OPHN1: variants seen among roughly 807,000 people sequenced by gnomAD.
OPHN1 encodes the protein oligophrenin-1.
Under a neutral mutation model 60.7 loss-of-function variants are expected in OPHN1, and 11 were observed. The ratio of observed to expected loss-of-function variants is 0.18; its 90% CI spans 0.11 to 0.30. The LOEUF is 0.30. OPHN1 is among the 10% of genes least tolerant of loss of function. OPHN1 has a pLI of 1.00. For missense variants in OPHN1, 449 were observed against 611.0 expected (o/e 0.73, Z 2.80); for synonymous variants, 226 against 222.6 (o/e 1.02, Z -0.14).
intron 15 of OPHN1, among the ~76,000 whole-genome samples, chrX:68,161,738 G>A (rs931976143): frequency 9.0e-6 from 1 of 110,703 alleles, no homozygotes; most frequent in Admixed American, 9.7e-5. Flanking sequence ...CCTACCTAGA[G>A]ACACTTGTTG....
intron 15 of OPHN1, among the ~76,000 whole-genome samples, chrX:68,142,420 G>A (rs1405048859): frequency 8.9e-6 from 1 of 111,928 alleles, no homozygotes; most frequent in African/African-American, 3.2e-5. Context: ...GCTTTATGTT[G>A]GGATAGGATG....
chrX:68,104,169 A>C (rs939738199), intron 18 of OPHN1, among the ~76,000 whole-genome samples: 1 of 111,857 alleles, frequency 8.9e-6, no homozygotes, highest in Non-Finnish European at 1.9e-5. Flanking sequence ...AAGAGAAGAC[A>C]CAAACAAATG....
chrX:68,412,675 T>A (rs2078774946), intron 2 of OPHN1, among the ~76,000 whole-genome samples: 1 of 111,635 alleles, frequency 9.0e-6, no homozygotes, highest in African/African-American at 3.3e-5. Context: ...TTAAAACAAT[T>A]AAAAATTATT....
intron 2 of OPHN1, among the ~76,000 whole-genome samples, chrX:68,406,618 A>C (rs1828898305): frequency 9.0e-6 from 1 of 111,670 alleles, no homozygotes; most frequent in South Asian, 3.7e-4. Context: ...TCTCCAAAAA[A>C]AAAATTAAAT....
At chrX:68,432,346 A>G (rs2078889830) in intron 2 of OPHN1, among the ~76,000 whole-genome samples, 2 of 111,824 alleles carry the variant, frequency 1.8e-5, no homozygotes, top group Admixed American at 1.9e-4. Context: ...AAAATAATTC[A>G]CTGGGGCAAA....
intron 2 of OPHN1, among the ~76,000 whole-genome samples, chrX:68,430,044 C>A (rs200485384): frequency 1.1e-4 from 11 of 101,504 alleles, no homozygotes; most frequent in African/African-American, 1.5e-4. Context: ...CAGAAAAAAA[C>A]AAAAAAAAAA....
chrX:68,071,754 T>A (rs1209055135), intron 20 of OPHN1: 1 of 465,605 alleles, frequency 2.1e-6, no homozygotes, highest in East Asian at 3.7e-5. Context: ...TGTCAGCTTG[T>A]TAGAAAGCGA....
rs375730489 is a variant in OPHN1, at chrX:68,064,141, G to C, written c.1871C>G (p.Thr624Ser). ...IQHQTPNGTI[T>S]SSIEPPKPPQ... ...TGGCTTGGGGGGTTCTATGCTGCTG[G>C]TGATAGTACCATTCGGTGTTTGATG... is the stretch of plus-strand genomic sequence containing the variant. Residue 624 changes from threonine to serine, a missense_variant, in exon 21 of 25, where the codon ACC (threonine) becomes AGC (serine). Thr to Ser is a moderately conservative substitution (Grantham distance 58). Coordinates refer to ENST00000355520, the MANE Select transcript of OPHN1 (RefSeq NM_002547.3). 5.8e-6 allele frequency: 7 copies of C among 1,209,102 alleles called. No homozygotes were observed. The highest frequency in any genetic ancestry group is 6.7e-6 in the Non-Finnish European group (6 of 894,935).
At chrX:68,216,842 C>G (rs1230467147) in intron 6 of OPHN1, among the ~76,000 whole-genome samples, 1 of 111,719 alleles carries the variant, frequency 9.0e-6, no homozygotes, top group Non-Finnish European at 1.9e-5. Context: ...AGACATTTTT[C>G]AAAAGAAGAT....
chrX:68,154,676 T>C (rs1428509985), intron 15 of OPHN1, among the ~76,000 whole-genome samples: 2 of 111,784 alleles, frequency 1.8e-5, no homozygotes, highest in Non-Finnish European at 3.8e-5. Flanking sequence ...TTCAGATTGC[T>C]GGAAAAGGTT....
At chrX:68,121,398 C>T (rs1488834274) in intron 15 of OPHN1, among the ~76,000 whole-genome samples, 1 of 111,789 alleles carries the variant, frequency 8.9e-6, no homozygotes, top group South Asian at 3.8e-4. Context: ...AGAGAGAGTG[C>T]AGCAATTGTG....
chrX:68,227,009 C>T (rs547786325), intron 6 of OPHN1, among the ~76,000 whole-genome samples: 105 of 111,241 alleles, frequency 9.4e-4, no homozygotes, highest in African/African-American at 3.0e-3. Context: ...ATTCAGGAGA[C>T]CCATCTCACG....
At chrX:68,216,691 T>A (rs1273918242) in intron 6 of OPHN1, among the ~76,000 whole-genome samples, 1 of 110,020 alleles carries the variant, frequency 9.1e-6, no homozygotes, top group Non-Finnish European at 1.9e-5. Flanking sequence ...ATCAACAGAG[T>A]AAATAGGCAA....
intron 5 of OPHN1, among the ~76,000 whole-genome samples, chrX:68,250,272 G>C (rs2077826854): frequency 8.9e-6 from 1 of 112,676 alleles, no homozygotes; most frequent in African/African-American, 3.2e-5. Context: ...GACTTATAAA[G>C]TCATCTTTAA....
chrX:68,414,031 T>C, intron 2 of OPHN1, among the ~76,000 whole-genome samples: 1 of 111,501 alleles, frequency 9.0e-6, no homozygotes, highest in Non-Finnish European at 1.9e-5. Flanking sequence ...ATGAGCCACT[T>C]AACCGTTCTG....
chrX:68,207,889 A>G (rs1366247105), intron 9 of OPHN1, among the ~76,000 whole-genome samples: 1 of 111,029 alleles, frequency 9.0e-6, no homozygotes, highest in Admixed American at 9.6e-5. Flanking sequence ...AAGCAGGACT[A>G]TTCTTGGCAA....
chrX:68,424,735 C>A (rs1209109132), intron 2 of OPHN1, among the ~76,000 whole-genome samples: 1 of 111,701 alleles, frequency 9.0e-6, no homozygotes, highest in Non-Finnish European at 1.9e-5. Context: ...CCTACCCCAG[C>A]CTGGCACCAT....
intron 21 of OPHN1, among the ~76,000 whole-genome samples, chrX:68,059,786 G>C (rs1457226775): frequency 9.0e-6 from 1 of 111,115 alleles, no homozygotes; most frequent in African/African-American, 3.3e-5. Flanking sequence ...AGCTAAGAAG[G>C]GCCCCTCAAC....
At chrX:68,406,005 C>T (rs1017058983) in intron 2 of OPHN1, among the ~76,000 whole-genome samples, 3 of 108,057 alleles carry the variant, frequency 2.8e-5, no homozygotes, top group South Asian at 4.1e-4. Context: ...AATAGCCAGG[C>T]GTGGTGGCAC....
Sources: gnomAD v4.1 joint callset for allele counts (sites outside exome capture counted in the v4.1 genomes callset) on GRCh38, gnomAD v4.1.1 for gene constraint, MANE v1.5 for transcripts, NCBI Gene and HGNC (gene_info 2026-07-23, HGNC 2026-07-21) for gene names.